Variants in ROBO2 observed in about 807,000 individuals in gnomAD.
The protein encoded by ROBO2 is roundabout guidance receptor 2.
A neutral mutation model predicts 160.8 loss-of-function variants in ROBO2; 53 were observed. The ratio of observed to expected loss-of-function variants is 0.33; its 90% CI spans 0.26 to 0.41. The LOEUF (loss-of-function observed/expected upper bound fraction) is 0.41. Among genes scored for constraint, ROBO2 ranks in the 10% least tolerant of loss-of-function variants. The pLI is 1.00. For synonymous variants in ROBO2, 664 were observed against 611.7 expected (o/e 1.09, Z -1.26); for missense variants, 1,577 against 1,722.4 (o/e 0.92, Z 1.49).
intron 2 of ROBO2, among the ~76,000 whole-genome samples, chr3:76,478,163 G>A (rs2079028086): frequency 6.9e-6 from 1 of 144,054 alleles, no homozygotes; most frequent in African/African-American, 2.6e-5. Context: ...ATCTCCTAAT[G>A]CTATCCCTCC....
At chr3:76,519,823 T>C (rs1263176261) in intron 2 of ROBO2, among the ~76,000 whole-genome samples, 6 of 152,302 alleles carry the variant, frequency 3.9e-5, no homozygotes, top group Non-Finnish European at 8.8e-5. Flanking sequence ...GTACCTTTGA[T>C]CTGAATCAGT....
intron 2 of ROBO2, among the ~76,000 whole-genome samples, chr3:76,733,193 C>G (rs2093662367): frequency 6.6e-6 from 1 of 152,106 alleles, no homozygotes; most frequent in South Asian, 2.1e-4. Flanking sequence ...CAGGCTGTGT[C>G]CCTGCCCAGA....
chr3:76,268,872 A>G (rs1185878210), intron 2 of ROBO2, among the ~76,000 whole-genome samples: 1 of 152,158 alleles, frequency 6.6e-6, no homozygotes, highest in Non-Finnish European at 1.5e-5. Context: ...TATTGAGTAT[A>G]GACACATATA....
At chr3:76,406,578 A>G (rs1385523007) in intron 2 of ROBO2, among the ~76,000 whole-genome samples, 1 of 151,786 alleles carries the variant, frequency 6.6e-6, no homozygotes, top group Non-Finnish European at 1.5e-5. Context: ...CTCATTTTTT[A>G]CAATTAGGGC....
At chr3:76,612,114 A>G (rs917749235) in intron 2 of ROBO2, among the ~76,000 whole-genome samples, 1 of 152,226 alleles carries the variant, frequency 6.6e-6, no homozygotes, top group Non-Finnish European at 1.5e-5. Context: ...GTGGTCAAAG[A>G]AGATACCTGA....
At chr3:76,325,597 G>A (rs1164646197) in intron 2 of ROBO2, among the ~76,000 whole-genome samples, 2 of 151,886 alleles carry the variant, frequency 1.3e-5, no homozygotes, top group Non-Finnish European at 2.9e-5. Context: ...TAATTTGTTT[G>A]CATTTTAATC....
At chr3:76,053,869 A>G (rs570575542) in intron 2 of ROBO2, among the ~76,000 whole-genome samples, 1 of 152,200 alleles carries the variant, frequency 6.6e-6, no homozygotes, top group African/African-American at 2.4e-5. Flanking sequence ...AGTACTACTC[A>G]TAAAACAGCT....
intron 24 of ROBO2, among the ~76,000 whole-genome samples, chr3:77,642,111 A>G (rs1306870927): frequency 6.6e-6 from 1 of 152,202 alleles, no homozygotes; most frequent in African/African-American, 2.4e-5. Flanking sequence ...TTGGTTGTCA[A>G]GCAGAATATT....
intron 2 of ROBO2, among the ~76,000 whole-genome samples, chr3:76,230,080 A>G (rs1704527854): frequency 6.6e-6 from 1 of 152,134 alleles, no homozygotes; most frequent in African/African-American, 2.4e-5. Flanking sequence ...AAGAGCAAAA[A>G]AATGATGCCA....
rs374749430 is a variant in ROBO2 at position 76,944,622 on chromosome 3, G to C, written c.110-153392G>C. On this transcript the variant is annotated intron_variant, in intron 2 of 26. Transcript: ENST00000487694. ...CATTGCTTTCAAAACTAGCAAATAGGATATTCTTAGGGCAACATGAAATTG... is the reference window on the plus strand; with the variant it reads ...CATTGCTTTCAAAACTAGCAAATAGCATATTCTTAGGGCAACATGAAATTG... 4.6e-5 allele frequency among the ~76,000 whole-genome samples: 7 copies of C among 152,128 alleles called. No individual in the cohort carries two copies. In the East Asian group the frequency reaches 7.7e-4, roughly 17 times the overall value.
intron 6 of ROBO2, among the ~76,000 whole-genome samples, chr3:77,524,815 T>C (rs1032533860): frequency 2.4e-4 from 37 of 151,234 alleles, no homozygotes; most frequent in African/African-American, 8.7e-4. Flanking sequence ...TCAGCAAACC[T>C]TAAATAGCCT....
intron 2 of ROBO2, among the ~76,000 whole-genome samples, chr3:76,148,774 T>C (rs2072024226): frequency 6.6e-6 from 1 of 152,114 alleles, no homozygotes; most frequent in Non-Finnish European, 1.5e-5. Context: ...TCCTCCTATC[T>C]CCATGGCTTT....
At chr3:76,051,416 A>G (rs2067649529) in intron 2 of ROBO2, among the ~76,000 whole-genome samples, 1 of 152,170 alleles carries the variant, frequency 6.6e-6, no homozygotes, top group Non-Finnish European at 1.5e-5. Flanking sequence ...TCACATGTAT[A>G]TTACACATGG....
chr3:77,625,331 A>G (rs1192611712), intron 23 of ROBO2, among the ~76,000 whole-genome samples: 2 of 151,980 alleles, frequency 1.3e-5, no homozygotes, highest in African/African-American at 2.4e-5. Context: ...AATAATAATA[A>G]TAGGTAACAC....
intron 1 of ROBO2, among the ~76,000 whole-genome samples, chr3:77,090,728 C>A (rs969905240): frequency 6.6e-6 from 1 of 152,150 alleles, no homozygotes. Context: ...TGATCAATAA[C>A]CTGTGTTCTT....
intron 2 of ROBO2, among the ~76,000 whole-genome samples, chr3:76,964,126 G>A (rs1306331511): frequency 1.3e-5 from 2 of 152,096 alleles, no homozygotes; most frequent in Non-Finnish European, 2.9e-5. Flanking sequence ...AGTGAAGTAT[G>A]ACATTTTGGA....
intron 2 of ROBO2, among the ~76,000 whole-genome samples, chr3:76,962,757 G>T (rs1471696909): frequency 6.6e-6 from 1 of 151,714 alleles, no homozygotes; most frequent in African/African-American, 2.4e-5. Context: ...CAGTGACTAT[G>T]ATCGTGCCAC....
chr3:77,259,132 G>A lies in ROBO2; in HGVS notation c.388+160792G>A, dbSNP rs780439063. ...TTCACATCCAATTTAACGACTCTGC[G>A]CTCTGTTCTCAGAAAATTACCTTCT... is the stretch of plus-strand genomic sequence containing the variant. On this transcript the variant is annotated intron_variant, in intron 2 of 25. Coordinates refer to ENST00000461745, the Ensembl canonical transcript of ROBO2. Among the ~76,000 whole-genome samples, 61 of 152,098 alleles carry A rather than the reference G, an allele frequency of 4.0e-4. 1 individual carries two copies. Among genetic ancestry groups the A allele is most frequent in the Admixed American group, 9.2e-4 (14 of 15,262 alleles).
intron 2 of ROBO2, among the ~76,000 whole-genome samples, chr3:77,103,326 A>G (rs949675997): frequency 6.6e-6 from 1 of 152,080 alleles, no homozygotes; most frequent in African/African-American, 2.4e-5. Flanking sequence ...CAGTGCAGAG[A>G]GTAGAGATTA....
Sources: gnomAD v4.1 joint callset for allele counts (sites outside exome capture counted in the v4.1 genomes callset) on GRCh38, gnomAD v4.1.1 for gene constraint, MANE v1.5 for transcripts, NCBI Gene and HGNC (gene_info 2026-07-23, HGNC 2026-07-21) for gene names.